Variants in PCDHA8 observed in about 807,000 individuals in gnomAD.
PCDHA8 encodes the protein protocadherin alpha-8.
PCDHA8 carries 53 observed loss-of-function variants against 61.8 expected under a neutral mutation model. The ratio of observed to expected loss-of-function variants is 0.86; its 90% CI spans 0.69 to 1.08. The LOEUF (loss-of-function observed/expected upper bound fraction) is 1.08, where lower values mean the gene tolerates loss of function less well. Ranked by LOEUF, PCDHA8 falls within the 50% of genes least tolerant of loss-of-function variation. The probability of loss-of-function intolerance (pLI) is 0.00; values close to 1 mark genes in which losing one functional copy is unlikely to be tolerated. For missense variants in PCDHA8, 1,293 were observed against 1,245.0 expected, an observed-to-expected ratio of 1.04 and a Z score of -0.58; for synonymous variants, 618 against 556.6, an observed-to-expected ratio of 1.11 and a Z score of -1.55.
intron 1 of PCDHA8, chr5:140,847,368 A>G (rs1038901012): frequency 6.7e-6 from 1 of 149,822 alleles, no homozygotes; most frequent in African/African-American, 2.4e-5. Flanking sequence ...AATACGAAAT[A>G]AAAGATAAAT....
chr5:140,882,658 G>A (rs2059245402), intron 1 of PCDHA8: 3 of 1,614,148 alleles, frequency 1.9e-6, no homozygotes, highest in Middle Eastern at 1.7e-4. Context: ...ACGACAACCC[G>A]CCCATATTCC....
Position 140,993,462 on chromosome 5 carries a change from T to A in PCDHA8, c.2542+10899T>A, listed in dbSNP as rs540334246. Among the ~76,000 whole-genome samples, 1,220 of 141,042 alleles carry A rather than the reference T, an allele frequency of 8.6e-3. 14 individuals carry two copies. The highest frequency in any genetic ancestry group is 0.02 in the African/African-American group (760 of 37,958). 92.5% of individuals were successfully genotyped at this position (141,042 alleles called of 152,430 possible). A position where few individuals can be genotyped will look rare whatever the true frequency, so the allele number is the denominator to read the frequency against. On this transcript the variant is annotated intron_variant, in intron 3 of 3. Coordinates refer to ENST00000531613, the MANE Select transcript of PCDHA8 (RefSeq NM_018911.3). ...CATTCCTGTTCTCCTTCTTTCTTTC[T>A]CACACACACACACACACACACACAC...
chr5:140,875,792 A>G, intron 1 of PCDHA8: 1 of 1,614,116 alleles, frequency 6.2e-7, no homozygotes, highest in East Asian at 2.2e-5. Context: ...ATCCACCTGG[A>G]GGTGATCGTG....
chr5:140,983,211 T>C (rs1429696975), intron 3 of PCDHA8, among the ~76,000 whole-genome samples: 1 of 152,204 alleles, frequency 6.6e-6, no homozygotes, highest in African/African-American at 2.4e-5. Context: ...AGGGACTATT[T>C]CCTAATCCAA....
chr5:140,860,083 G>T (rs781794157), intron 1 of PCDHA8: 12 of 151,782 alleles, frequency 7.9e-5, no homozygotes, highest in Non-Finnish European at 1.5e-4. Context: ...GAGGCCAGGA[G>T]TTCAAGACCA....
chr5:140,927,037 G>T lies in PCDHA8; in HGVS notation c.2395-51912G>T, dbSNP rs782765718. On this transcript the variant is annotated intron_variant, in intron 1 of 3. Coordinates refer to ENST00000531613, the MANE Select transcript of PCDHA8 (RefSeq NM_018911.3). ...CGCGGACTTGAGGCTGCCAGCGGCC[G>T]CTATGTCCTCGCGGAACTTTCGCTT... The T allele has an allele frequency of 3.7e-6, 6 of 1,612,000 alleles. No homozygotes were observed. The Admixed American group carries it at 6.7e-5, about 18-fold the overall frequency.
rs781893809 is a variant in PCDHA8 at position 140,883,492 on chromosome 5, G to T, written c.2394+39777G>T. On this transcript the variant is annotated intron_variant, in intron 1 of 3. Transcript: ENST00000531613. ...CCTACAAGAACTACTACTCATTAGT[G>T]CTGGACAGCGCCCTGGACCGCGAGA... The T allele has an allele frequency of 4.3e-5, 69 of 1,614,058 alleles. 1 individual carries two copies. In the South Asian group the frequency reaches 7.5e-4, roughly 17 times the overall value.
intron 1 of PCDHA8, chr5:140,869,029 A>AT (rs1364344296): frequency 2.6e-6 from 4 of 1,526,350 alleles, no homozygotes; most frequent in Non-Finnish European, 3.5e-6. Flanking sequence ...ATTCAACGAG[A>AT]TTTTTAACCT....
intron 1 of PCDHA8, among the ~76,000 whole-genome samples, chr5:140,917,329 G>C (rs543216216): frequency 3.5e-5 from 5 of 143,930 alleles, no homozygotes; most frequent in South Asian, 2.2e-4. Flanking sequence ...TGTGGCGGGG[G>C]AGGGGGGGGA....
intron 1 of PCDHA8, among the ~76,000 whole-genome samples, chr5:140,899,649 G>T (rs1405894081): frequency 6.6e-6 from 1 of 152,130 alleles, no homozygotes; most frequent in Non-Finnish European, 1.5e-5. Flanking sequence ...CTCTTATTTG[G>T]TTGTGTCTCT....
intron 1 of PCDHA8, among the ~76,000 whole-genome samples, chr5:140,903,450 T>A (rs2070311741): frequency 2.6e-5 from 4 of 152,202 alleles, no homozygotes; most frequent in Admixed American, 1.3e-4. Flanking sequence ...ATTCATCTGA[T>A]CAAACTTAAA....
intron 1 of PCDHA8, among the ~76,000 whole-genome samples, chr5:140,921,897 A>G (rs1414353237): frequency 2.0e-5 from 3 of 152,124 alleles, no homozygotes; most frequent in Non-Finnish European, 2.9e-5. Flanking sequence ...AAAGGAGGAT[A>G]AATATATATT....
Position 140,884,013 on chromosome 5 carries a change from C to T in PCDHA8, c.2394+40298C>T, listed in dbSNP as rs148971741. The T allele has an allele frequency of 5.1e-5, 82 of 1,613,132 alleles. No homozygotes were observed. The African/African-American group carries it at 9.2e-4, about 18-fold the overall frequency. On this transcript the variant is annotated intron_variant, in intron 1 of 3. Transcript: ENST00000531613. ...GGAGGCACAGTGAGCGAGCTGATGC[C>T]GCGGTCGGTGGGTGCAGGCCACGTG...
chr5:140,877,089 C>T (rs782771217), intron 1 of PCDHA8: 4 of 1,613,082 alleles, frequency 2.5e-6, no homozygotes, highest in African/African-American at 1.3e-5. Flanking sequence ...GCGCGCGCGA[C>T]GCCGGCGTGC....
intron 1 of PCDHA8, among the ~76,000 whole-genome samples, chr5:140,976,377 C>T (rs1472568038): frequency 2.0e-5 from 3 of 151,896 alleles, no homozygotes; most frequent in Admixed American, 6.6e-5. Flanking sequence ...ATGGTGAAAC[C>T]CCATCTCTAC....
chr5:140,876,795 G>A (rs782560755), intron 1 of PCDHA8: 97 of 1,614,108 alleles, frequency 6.0e-5, no homozygotes, highest in Non-Finnish European at 7.5e-5. Context: ...CGGCTAGAGT[G>A]TCCGTGGAGG....
chr5:140,968,405 G>A, intron 1 of PCDHA8: 1 of 1,614,002 alleles, frequency 6.2e-7, no homozygotes, highest in Non-Finnish European at 8.5e-7. Flanking sequence ...GGAGTTCTTT[G>A]TGACTGTGGA....
chr5:140,968,521 C>G, intron 1 of PCDHA8: 1 of 1,614,180 alleles, frequency 6.2e-7, no homozygotes, highest in Non-Finnish European at 8.5e-7. Context: ...CTACCTCAAC[C>G]AACTCGTCAG....
Position 140,841,238 on chromosome 5 carries a change from G to T in PCDHA8, c.-84G>T. On this transcript the variant is annotated 5_prime_UTR_variant, in exon 1 of 4. Transcript: ENST00000531613. The stretch of plus-strand genomic sequence containing the variant: ...AAGGCCGAACAACGGGAGATGCAGC[G>T]GAATTGGATTAAAAGACTCTGAAAG... 6.7e-7 allele frequency: 1 copy of T among 1,482,530 alleles called. No individual in the cohort carries two copies. Among genetic ancestry groups the T allele is most frequent in the Non-Finnish European group, 9.1e-7 (1 of 1,104,078 alleles). 91.8% of individuals were successfully genotyped at this position (1,482,530 alleles called of 1,614,324 possible).
Sources: allele counts gnomAD v4.1 joint callset (sites outside exome capture counted in the v4.1 genomes callset), GRCh38; gene constraint gnomAD v4.1.1; transcripts MANE v1.5; gene names NCBI Gene and HGNC (gene_info 2026-07-23, HGNC 2026-07-21).